FHOD3: variants seen among roughly 807,000 people sequenced by gnomAD.
The protein encoded by FHOD3 is formin homology 2 domain containing 3, also known as FH1/FH2 domain-containing protein 3.
FHOD3 carries 90 observed loss-of-function variants against 173.0 expected under a neutral mutation model. The observed-to-expected ratio is 0.52, with a 90% confidence interval of 0.44 to 0.62. The LOEUF (loss-of-function observed/expected upper bound fraction) is 0.62. Ranked by LOEUF, FHOD3 falls within the 20% of genes least tolerant of loss-of-function variation. FHOD3 has a pLI of 0.00. For missense variants in FHOD3, 1,945 were observed against 2,034.7 expected (o/e 0.96, Z 0.85); for synonymous variants, 828 against 823.0 (o/e 1.01, Z -0.10).
intron 11 of FHOD3, among the ~76,000 whole-genome samples, chr18:36,651,255 G>A (rs536761163): frequency 2.4e-4 from 36 of 152,162 alleles, no homozygotes; most frequent in African/African-American, 7.0e-4. Flanking sequence ...AATTTGAGGC[G>A]GGAAAGAAGA....
intron 2 of FHOD3, among the ~76,000 whole-genome samples, chr18:36,357,878 A>T (rs1456583335): frequency 6.6e-6 from 1 of 152,144 alleles, no homozygotes; most frequent in Non-Finnish European, 1.5e-5. Flanking sequence ...CTTCTTTCTT[A>T]TCAAAACTTG....
chr18:36,410,502 C>T (rs2049300543), intron 3 of FHOD3, among the ~76,000 whole-genome samples: 1 of 152,154 alleles, frequency 6.6e-6, no homozygotes, highest in African/African-American at 2.4e-5. Context: ...ATTGCCTAGG[C>T]ATGTACCTAG....
At chr18:36,522,030 C>A (rs1031753245) in intron 5 of FHOD3, among the ~76,000 whole-genome samples, 1 of 152,134 alleles carries the variant, frequency 6.6e-6, no homozygotes, top group Admixed American at 6.5e-5. Flanking sequence ...CCCTGGTTCC[C>A]GAGTATTTTG....
intron 6 of FHOD3, among the ~76,000 whole-genome samples, chr18:36,579,375 T>G (rs2058766214): frequency 6.6e-6 from 1 of 152,308 alleles, no homozygotes; most frequent in Non-Finnish European, 1.5e-5. Flanking sequence ...ATAGAAAAAC[T>G]GACAGTCTGT....
chr18:36,409,577 T>C (rs535620728), intron 3 of FHOD3, among the ~76,000 whole-genome samples: 3 of 152,354 alleles, frequency 2.0e-5, no homozygotes, highest in Admixed American at 1.3e-4. Context: ...TTTTCTCTCA[T>C]GTCTGTGTTC....
chr18:36,610,352 G>A (rs1365112182), intron 8 of FHOD3, among the ~76,000 whole-genome samples: 2 of 152,206 alleles, frequency 1.3e-5, no homozygotes, highest in South Asian at 2.1e-4. Flanking sequence ...TTTGAATGAT[G>A]TGCAATTTTT....
chr18:36,720,116 T>TC (rs2040677160), intron 19 of FHOD3, among the ~76,000 whole-genome samples: 1 of 152,020 alleles, frequency 6.6e-6, no homozygotes, highest in African/African-American at 2.4e-5. Context: ...GCTTTTGTCC[T>TC]CTCCAGAAAA....
chr18:36,655,361 T>C (rs1213384646), intron 13 of FHOD3, among the ~76,000 whole-genome samples: 1 of 152,142 alleles, frequency 6.6e-6, no homozygotes, highest in Non-Finnish European at 1.5e-5. Flanking sequence ...TCGGCCCTAG[T>C]TGGGGCTTTC....
At chr18:36,513,224 C>T (rs545197341) in intron 5 of FHOD3, among the ~76,000 whole-genome samples, 1 of 150,312 alleles carries the variant, frequency 6.7e-6, no homozygotes, top group Non-Finnish European at 1.5e-5. Context: ...ATAGGCAGGG[C>T]AGGAATGATT....
chr18:36,755,871 TC>T (rs2042614266), intron 25 of FHOD3, among the ~76,000 whole-genome samples: 1 of 152,204 alleles, frequency 6.6e-6, no homozygotes. Context: ...TGGAAAGAGT[TC>T]CCAGAGGACA....
intron 8 of FHOD3, among the ~76,000 whole-genome samples, chr18:36,611,188 C>A (rs113204226): frequency 1.1e-4 from 17 of 152,248 alleles, no homozygotes; most frequent in African/African-American, 3.6e-4. Flanking sequence ...TAAATTGTTA[C>A]AACTCCAGTT....
At chr18:36,376,208 T>G (rs2047433508) in intron 3 of FHOD3, among the ~76,000 whole-genome samples, 1 of 152,106 alleles carries the variant, frequency 6.6e-6, no homozygotes, top group Non-Finnish European at 1.5e-5. Flanking sequence ...ATCTAGGACT[T>G]AAAAAAATAA....
chr18:36,299,999 A>C (rs767093831), intron 1 of FHOD3, among the ~76,000 whole-genome samples: 6 of 152,224 alleles, frequency 3.9e-5, no homozygotes, highest in Non-Finnish European at 5.9e-5. Flanking sequence ...TTTCCATCAG[A>C]GAATCTTAAA....
chr18:36,568,586 C>T, intron 5 of FHOD3, among the ~76,000 whole-genome samples: 1 of 151,774 alleles, frequency 6.6e-6, no homozygotes, highest in South Asian at 2.1e-4. Flanking sequence ...GCCCAGGCCC[C>T]AGACTGTCGA....
At chr18:36,607,000 G>A (rs1287648134) in intron 8 of FHOD3, among the ~76,000 whole-genome samples, 2 of 152,210 alleles carry the variant, frequency 1.3e-5, no homozygotes, top group African/African-American at 4.8e-5. Flanking sequence ...CTCAGCCCAC[G>A]CTTCAGCTCT....
chr18:36,647,695 A>C (rs2035785481), intron 10 of FHOD3, among the ~76,000 whole-genome samples: 1 of 152,204 alleles, frequency 6.6e-6, no homozygotes, highest in African/African-American at 2.4e-5. Flanking sequence ...AAGGGTACCC[A>C]AGGGTCATCA....
chr18:36,507,782 A>G (rs552822947), intron 4 of FHOD3, among the ~76,000 whole-genome samples: 10 of 152,168 alleles, frequency 6.6e-5, no homozygotes, highest in African/African-American at 1.7e-4. Context: ...TTCACCCTCC[A>G]TTATGTCCTC....
intron 5 of FHOD3, among the ~76,000 whole-genome samples, chr18:36,545,876 CT>C (rs2057390774): frequency 6.6e-6 from 1 of 152,100 alleles, no homozygotes; most frequent in South Asian, 2.1e-4. Flanking sequence ...TATAAAAATT[CT>C]TTTTAAAAAG....
intron 10 of FHOD3, among the ~76,000 whole-genome samples, chr18:36,639,817 T>TTG (rs770376336): frequency 1.5e-5 from 2 of 130,758 alleles, no homozygotes; most frequent in South Asian, 2.3e-4. Flanking sequence ...ATAAAGTGTT[T>TTG]TTTTTTTTTT....
Sources: gnomAD v4.1 joint callset for allele counts (sites outside exome capture counted in the v4.1 genomes callset) on GRCh38, gnomAD v4.1.1 for gene constraint, MANE v1.5 for transcripts, NCBI Gene and HGNC (gene_info 2026-07-23, HGNC 2026-07-21) for gene names.